Variants in SYN3 observed in about 807,000 individuals in gnomAD.
The protein encoded by SYN3 is synapsin-3.
In SYN3, 35 loss-of-function variants were observed where a neutral mutation model predicts 65.8. That is an observed-to-expected ratio of 0.53 (90% CI 0.41 to 0.70). The LOEUF is 0.70. SYN3 is among the 30% of genes least tolerant of loss of function. The probability of loss-of-function intolerance (pLI) is 0.00; values close to 1 mark genes in which losing one functional copy is unlikely to be tolerated. For missense variants in SYN3, 680 were observed against 749.0 expected, an observed-to-expected ratio of 0.91 and a Z score of 1.08; for synonymous variants, 270 against 292.9, an observed-to-expected ratio of 0.92 and a Z score of 0.80.
intron 1 of SYN3, among the ~76,000 whole-genome samples, chr22:33,053,829 T>C (rs1282036224): frequency 6.6e-6 from 1 of 152,160 alleles, no homozygotes; most frequent in African/African-American, 2.4e-5. Context: ...ATAAACTCCA[T>C]GAGATTAGAG....
chr22:32,930,539 C>G (rs1316747277), intron 4 of SYN3, among the ~76,000 whole-genome samples: 1 of 151,702 alleles, frequency 6.6e-6, no homozygotes, highest in African/African-American at 2.4e-5. Context: ...TCTTTATTTG[C>G]AGAGGCTGTT....
In SYN3 at chr22:32,801,415, G is replaced by A. The variant is rs2046571540; in HGVS notation, c.711+63500C>T. ...GTGGGCGTGGGGCCAGGGCGCAGAC[G>A]AGAAGGGGCACGAGGGCTCCGCTCC... is the stretch of plus-strand genomic sequence containing the variant. On this transcript the variant is annotated intron_variant, in intron 6 of 13. Coordinates refer to ENST00000358763, the MANE Select transcript of SYN3 (RefSeq NM_003490.4). This position sits in a 1 kb window ranked among gnomAD's most constrained non-coding sequence, Gnocchi z 4.7. 1.3e-5 allele frequency among the ~76,000 whole-genome samples: 2 copies of A among 152,218 alleles called. No homozygotes were observed. Among genetic ancestry groups the A allele is most frequent in the African/African-American group, 4.8e-5 (2 of 41,466 alleles).
intron 6 of SYN3, among the ~76,000 whole-genome samples, chr22:32,618,053 C>T (rs113944740): frequency 6.6e-6 from 1 of 152,140 alleles, no homozygotes; most frequent in Admixed American, 6.5e-5. Flanking sequence ...ACGCCTATCT[C>T]AGTCCCTTCT....
chr22:32,599,325 T>TG (rs2059247840), intron 6 of SYN3, among the ~76,000 whole-genome samples: 1 of 105,754 alleles, frequency 9.5e-6, no homozygotes, highest in Non-Finnish European at 1.7e-5. Context: ...CCTGATGTAC[T>TG]TTTTTTTTTT....
chr22:32,578,801 C>G (rs942410677), intron 7 of SYN3, among the ~76,000 whole-genome samples: 1 of 152,094 alleles, frequency 6.6e-6, no homozygotes, highest in African/African-American at 2.4e-5. Flanking sequence ...TTGTGTTAGG[C>G]CAGAGATTGG....
chr22:32,928,355 C>T (rs1164148853), intron 4 of SYN3, among the ~76,000 whole-genome samples: 11 of 152,046 alleles, frequency 7.2e-5, no homozygotes, highest in Admixed American at 5.9e-4. Context: ...AAAGAAAATG[C>T]ATTTATTACC....
intron 6 of SYN3, among the ~76,000 whole-genome samples, chr22:32,656,142 C>A (rs1473229333): frequency 1.3e-5 from 2 of 152,222 alleles, no homozygotes; most frequent in African/African-American, 4.8e-5. Context: ...CATAATACTA[C>A]CGTCTACTGT....
intron 4 of SYN3, among the ~76,000 whole-genome samples, chr22:32,892,368 G>A (rs1243918692): frequency 1.3e-5 from 2 of 152,174 alleles, no homozygotes; most frequent in African/African-American, 4.8e-5. Flanking sequence ...TACACGCTCT[G>A]CACCTATTCT....
rs371768256 is a variant in SYN3, at chr22:32,653,776, C to T, written c.712-57040G>A. Among the ~76,000 whole-genome samples the T allele has an allele frequency of 2.6e-5, 4 of 152,270 alleles. No homozygotes were observed. The East Asian group carries it at 7.7e-4, about 29-fold the overall frequency. On this transcript the variant is annotated intron_variant, in intron 6 of 13. Coordinates refer to ENST00000358763, the MANE Select transcript of SYN3 (RefSeq NM_003490.4). ...GCTTTGTAACTTTGAGAAAATGGTT[C>T]AACTTCTCTGAATCTCAATTTTTAA... is the stretch of plus-strand genomic sequence containing the variant.
chr22:32,845,670 AT>A (rs1375218446), intron 6 of SYN3, among the ~76,000 whole-genome samples: 1 of 152,118 alleles, frequency 6.6e-6, no homozygotes, highest in East Asian at 1.9e-4. Context: ...TGTAGGGGCC[AT>A]ACTCCAGCAT....
chr22:32,649,719 G>GGAT (rs1399915935), intron 6 of SYN3, among the ~76,000 whole-genome samples: 1 of 152,164 alleles, frequency 6.6e-6, no homozygotes, highest in East Asian at 1.9e-4. Flanking sequence ...TGACAACACA[G>GGAT]GATGACTCAG....
At chr22:32,928,451 T>TACAG (rs1392348983) in intron 4 of SYN3, among the ~76,000 whole-genome samples, 2 of 152,360 alleles carry the variant, frequency 1.3e-5, no homozygotes, top group African/African-American at 4.8e-5. Context: ...GGGCAAAATC[T>TACAG]TTGAACAAAA....
At chr22:32,910,034 G>A (rs749600564) in intron 4 of SYN3, among the ~76,000 whole-genome samples, 30 of 152,132 alleles carry the variant, frequency 2.0e-4, no homozygotes, top group Non-Finnish European at 2.9e-4. Flanking sequence ...GAAAAAACAA[G>A]ACCTTGAAGG....
intron 6 of SYN3, among the ~76,000 whole-genome samples, chr22:32,845,722 T>C (rs1351958176): frequency 1.3e-5 from 2 of 152,196 alleles, no homozygotes; most frequent in African/African-American, 2.4e-5. Context: ...CTGGCCCATC[T>C]GTAAAGCTGG....
intron 3 of SYN3, among the ~76,000 whole-genome samples, chr22:32,942,847 G>T (rs1002585624): frequency 6.6e-6 from 1 of 152,168 alleles, no homozygotes; most frequent in African/African-American, 2.4e-5. Flanking sequence ...GGGTATCATT[G>T]ATTAAAGATC....
At chr22:32,954,507 G>A (rs1197563981) in intron 3 of SYN3, among the ~76,000 whole-genome samples, 1 of 152,254 alleles carries the variant, frequency 6.6e-6, no homozygotes, top group Non-Finnish European at 1.5e-5. Context: ...CCATTGCTAT[G>A]AGCTGGGCTC....
chr22:32,793,071 G>A (rs1416144659), intron 6 of SYN3, among the ~76,000 whole-genome samples: 1 of 152,242 alleles, frequency 6.6e-6, no homozygotes, highest in Non-Finnish European at 1.5e-5. Flanking sequence ...TGCATTGAAA[G>A]TGCCTTGTAC....
At chr22:32,735,450 A>G (rs572598156) in intron 6 of SYN3, among the ~76,000 whole-genome samples, 1 of 152,334 alleles carries the variant, frequency 6.6e-6, no homozygotes, top group South Asian at 2.1e-4. Context: ...TTGCGGTGGG[A>G]AGCAAAATAA....
chr22:32,665,493 A>G lies in SYN3; in HGVS notation c.712-68757T>C, dbSNP rs1035391241. Among the ~76,000 whole-genome samples, 298 of 140,246 alleles carry G rather than the reference A, an allele frequency of 2.1e-3. 1 individual carries two copies. Among genetic ancestry groups the G allele is most frequent in the African/African-American group, 5.6e-3 (188 of 33,474 alleles). The allele number at this position is 140,246 out of a possible 152,430, so 92.0% of individuals were successfully genotyped here. A position where few individuals can be genotyped will look rare whatever the true frequency, so the allele number is the denominator to read the frequency against. ...GAGTAGTATGCCACAGTGTGTGTATATATATATATATATATATGTCTCACA... is the reference window on the plus strand; with the variant it reads ...GAGTAGTATGCCACAGTGTGTGTATGTATATATATATATATATGTCTCACA... On this transcript the variant is annotated intron_variant, in intron 6 of 13. Coordinates refer to ENST00000358763, the MANE Select transcript of SYN3 (RefSeq NM_003490.4).
Sources: gnomAD v4.1 joint callset for allele counts (sites outside exome capture counted in the v4.1 genomes callset) on GRCh38, gnomAD v4.1.1 for gene constraint, Gnocchi (gnomAD v3.1) non-coding constraint, MANE v1.5 for transcripts, NCBI Gene and HGNC (gene_info 2026-07-23, HGNC 2026-07-21) for gene names.